The following PHF12 variants were observed in gnomAD, a reference collection of about 807,000 sequenced individuals.
PHF12 encodes PHD factor 1.
In PHF12, 6 loss-of-function variants were observed where a neutral mutation model predicts 99.8. That is an observed-to-expected ratio of 0.06 (90% CI 0.03 to 0.12). PHF12 has a LOEUF of 0.12. Among genes scored for constraint, PHF12 ranks in the 10% least tolerant of loss-of-function variants. The pLI is 1.00. For missense variants in PHF12, 954 were observed against 1,300.1 expected, an observed-to-expected ratio of 0.73 and a Z score of 4.09; for synonymous variants, 480 against 514.9, an observed-to-expected ratio of 0.93 and a Z score of 0.92.
In PHF12 at chr17:28,932,155, A is replaced by G. The variant is rs182847757; in HGVS notation, c.249-5092T>C. Reference sequence around the variant, plus strand: ...CAAACTTCTATCTTTTTTTTGAGGCAGGGTCTCACTCTGTCACCCAGGCTG... The same window carrying G: ...CAAACTTCTATCTTTTTTTTGAGGCGGGGTCTCACTCTGTCACCCAGGCTG... On this transcript the variant is annotated intron_variant, in intron 2 of 14. Transcript: ENST00000332830. Among the ~76,000 whole-genome samples the G allele has an allele frequency of 3.8e-4, 57 of 151,788 alleles. No homozygotes were observed. In the East Asian group the frequency reaches 0.01, roughly 27 times the overall value.
At chr17:28,937,054 A>G (rs1336674051) in intron 2 of PHF12, among the ~76,000 whole-genome samples, 1 of 152,232 alleles carries the variant, frequency 6.6e-6, no homozygotes, top group Non-Finnish European at 1.5e-5. Flanking sequence ...CCATGAGCAC[A>G]GAGAACCAGC....
At chr17:28,921,630 A>T in intron 5 of PHF12, 58 bp downstream of exon 5, 3 of 1,584,456 alleles carry the variant, frequency 1.9e-6, no homozygotes, top group Non-Finnish European at 2.6e-6. Context: ...AGGTGATGAG[A>T]GAAAAAGTAT....
intron 4 of PHF12, among the ~76,000 whole-genome samples, chr17:28,923,252 G>C (rs2040198207): frequency 6.6e-6 from 1 of 152,160 alleles, no homozygotes; most frequent in African/African-American, 2.4e-5. Flanking sequence ...TGAAGAGCAG[G>C]AAGGTGGAAA....
At chr17:28,907,883 C>T (rs2039897564) in intron 12 of PHF12, 2 of 467,036 alleles carry the variant, frequency 4.3e-6, no homozygotes, top group Non-Finnish European at 7.9e-6. Flanking sequence ...TCCCTGCCAG[C>T]TGATCTGCTT....
intron 13 of PHF12, 26 bp from the exon 14 acceptor site, chr17:28,907,020 T>A (rs776948080): frequency 6.3e-7 from 1 of 1,587,736 alleles, no homozygotes; most frequent in Admixed American, 1.7e-5. Context: ...GGAGATAAGA[T>A]GTGTGGTCTG....
chr17:28,911,579 T>C (rs1013733692), intron 9 of PHF12, among the ~76,000 whole-genome samples: 5 of 152,154 alleles, frequency 3.3e-5, no homozygotes, highest in Admixed American at 6.5e-5. Context: ...AATTCTTGCC[T>C]ACTGAAATAT....
chr17:28,945,991 C>T (rs1414905102), intron 2 of PHF12, among the ~76,000 whole-genome samples: 1 of 152,166 alleles, frequency 6.6e-6, no homozygotes, highest in African/African-American at 2.4e-5. Flanking sequence ...AGAAAATTAG[C>T]CAGGCCTGGT....
Position 28,949,054 on chromosome 17 carries a change from G to C in PHF12, c.248+1011C>G, listed in dbSNP as rs991401. On this transcript the variant is annotated intron_variant, in intron 2 of 14. Coordinates refer to ENST00000332830, the MANE Select transcript of PHF12 (RefSeq NM_001033561.2). The surrounding 1 kb of genome is among the most constrained non-coding windows in gnomAD (Gnocchi z 4.6). ...GATCACGCAGCGGGCGATCAACTCA[G>C]GTCCCTCCCTCTCGGTTCGGTCTCT... Among the ~76,000 whole-genome samples, 2 of 152,166 alleles carry C rather than the reference G, an allele frequency of 1.3e-5. No homozygotes were observed. The highest frequency in any genetic ancestry group is 4.8e-5 in the African/African-American group (2 of 41,438).
intron 9 of PHF12, among the ~76,000 whole-genome samples, chr17:28,911,697 A>G (rs2039963692): frequency 1.3e-5 from 2 of 152,176 alleles, no homozygotes; most frequent in Non-Finnish European, 2.9e-5. Context: ...CCATGCAGAG[A>G]AATCACAATC....
chr17:28,931,941 T>C (rs2040418336), intron 2 of PHF12, among the ~76,000 whole-genome samples: 1 of 152,056 alleles, frequency 6.6e-6, no homozygotes, highest in Non-Finnish European at 1.5e-5. Flanking sequence ...TTTGAAATGA[T>C]GGTATCTTGG....
In PHF12 at chr17:28,950,765, AG is replaced by A; in HGVS notation, c.66+129del. ...CCTAAATTGCAAAGAGGGGAGGGAG[AG>A]GCTAGGTGAGGAAGAATCCCCCTCC... is the stretch of plus-strand genomic sequence containing the variant. On this transcript the variant is annotated intron_variant, in intron 1 of 14. Coordinates refer to ENST00000332830, the MANE Select transcript of PHF12 (RefSeq NM_001033561.2). This position sits in a 1 kb window ranked among gnomAD's most constrained non-coding sequence, Gnocchi z 5.7. The A allele has an allele frequency of 1.5e-6, 2 of 1,315,358 alleles. No individual in the cohort carries two copies. Among genetic ancestry groups the A allele is most frequent in the Non-Finnish European group, 2.0e-6 (2 of 980,150 alleles). 81.5% of individuals were successfully genotyped at this position (1,315,358 alleles called of 1,614,324 possible). A position where few individuals can be genotyped will look rare whatever the true frequency, so the allele number is the denominator to read the frequency against.
At chr17:28,934,916 A>C (rs2040480788) in intron 2 of PHF12, among the ~76,000 whole-genome samples, 1 of 152,176 alleles carries the variant, frequency 6.6e-6, no homozygotes, top group African/African-American at 2.4e-5. Flanking sequence ...GAACCTTTAG[A>C]TTCCTTCTGA....
chr17:28,911,413 T>C (rs1056290919), intron 9 of PHF12, 176 bp from the exon 10 acceptor site: 20 of 837,800 alleles, frequency 2.4e-5, no homozygotes, highest in African/African-American at 5.2e-5. Flanking sequence ...GAAGGGCAGA[T>C]GGAACGACAA....
rs140995022 is a variant in PHF12, at chr17:28,950,079, G to A, written c.234C>T (p.Phe78=). The change falls in exon 2 of 15, where the codon TTC becomes TTT. Residue 78 remains phenylalanine, a synonymous_variant. Transcript: ENST00000332830. The surrounding 1 kb of genome is among the most constrained non-coding windows in gnomAD (Gnocchi z 5.7). ...CCAGACCTTACCAGCACTGGAGGTGGAAGGCAGCCGGGCAGTGGTCGCAGC... is the reference window on the plus strand; with the variant it reads ...CCAGACCTTACCAGCACTGGAGGTGAAAGGCAGCCGGGCAGTGGTCGCAGC... The part of the protein sequence containing the change: ...LLCCDHCPAA[F]HLQCCNPPLS... The A allele has an allele frequency of 1.7e-5, 27 of 1,613,050 alleles. No individual in the cohort carries two copies. The African/African-American group carries it at 2.7e-4, about 16-fold the overall frequency.
intron 2 of PHF12, among the ~76,000 whole-genome samples, chr17:28,948,579 A>T (rs1255935464): frequency 5.3e-5 from 8 of 152,176 alleles, no homozygotes; most frequent in Admixed American, 5.2e-4. Context: ...TGGTAATGGG[A>T]GTTTCCTACA....
Position 28,906,439 on chromosome 17 carries a change from T to C in PHF12, c.2759A>G (p.Gln920Arg), listed in dbSNP as rs774453924. The change falls in exon 15 of 15, where the codon CAG (glutamine) becomes CGG (arginine). Residue 920 changes from glutamine (Q) to arginine (R), a missense_variant. Gln to Arg is a conservative substitution (Grantham distance 43). This residue lies in a region of PHF12 where 136 missense variants were observed against 172.3 expected (regional missense o/e 0.79). Coordinates refer to ENST00000332830, the MANE Select transcript of PHF12 (RefSeq NM_001033561.2). This position sits in a 1 kb window ranked among gnomAD's most constrained non-coding sequence, Gnocchi z 4.2. Reference sequence around the variant, plus strand: ...GGCTTTGCAATTGCAGGGTCTCCGCTGCGGCCCCTGGGCCTGGGAACTCAT... The same window carrying C: ...GGCTTTGCAATTGCAGGGTCTCCGCCGCGGCCCCTGGGCCTGGGAACTCAT... ...AMMSSQAQGP[Q>R]RRPCNCKASS... The C allele has an allele frequency of 6.8e-6, 11 of 1,613,960 alleles. No individual in the cohort carries two copies. Among genetic ancestry groups the C allele is most frequent in the East Asian group, 2.2e-5 (1 of 44,904 alleles).
At chr17:28,935,998 C>A (rs756504667) in intron 2 of PHF12, among the ~76,000 whole-genome samples, 1 of 152,120 alleles carries the variant, frequency 6.6e-6, no homozygotes, top group African/African-American at 2.4e-5. Flanking sequence ...ACTCTCAGCC[C>A]GAGGTTAAAG....
chr17:28,948,268 G>A (rs1183911222), intron 2 of PHF12, among the ~76,000 whole-genome samples: 1 of 152,126 alleles, frequency 6.6e-6, no homozygotes, highest in Admixed American at 6.5e-5. Context: ...CTCAGTCCTG[G>A]TATACATACC....
At chr17:28,938,324 G>A (rs866141317) in intron 2 of PHF12, among the ~76,000 whole-genome samples, 9 of 152,108 alleles carry the variant, frequency 5.9e-5, no homozygotes, top group Admixed American at 3.9e-4. Context: ...TCCGCCTCCC[G>A]GTTCAACTGA....
Sources: allele counts gnomAD v4.1 joint callset (sites outside exome capture counted in the v4.1 genomes callset), GRCh38; gene constraint gnomAD v4.1.1; regional missense constraint gnomAD v4.1.1; non-coding constraint Gnocchi (gnomAD v3.1); transcripts MANE v1.5; gene names NCBI Gene and HGNC (gene_info 2026-07-23, HGNC 2026-07-21).